The following ENTPD7 variants were observed in gnomAD, a reference collection of about 807,000 sequenced individuals.
ENTPD7 encodes ectonucleoside triphosphate diphosphohydrolase 7.
A neutral mutation model predicts 77.9 loss-of-function variants in ENTPD7; 53 were observed. The observed-to-expected ratio is 0.68, with a 90% confidence interval of 0.55 to 0.85. The LOEUF is 0.85. ENTPD7 is among the 40% of genes least tolerant of loss of function. ENTPD7 has a pLI of 0.00. For missense variants in ENTPD7, 636 were observed against 743.7 expected, an observed-to-expected ratio of 0.86 and a Z score of 1.68; for synonymous variants, 248 against 274.9, an observed-to-expected ratio of 0.90 and a Z score of 0.97.
At chr10:99,701,672 G>A (rs1011068746) in intron 11 of ENTPD7, among the ~76,000 whole-genome samples, 1 of 152,078 alleles carries the variant, frequency 6.6e-6, no homozygotes, top group African/African-American at 2.4e-5. Context: ...AAACCCTCAT[G>A]TAACTATCAC....
At chr10:99,701,595 A>AT (rs201405539) in intron 11 of ENTPD7, among the ~76,000 whole-genome samples, 22 of 149,490 alleles carry the variant, frequency 1.5e-4, no homozygotes, top group East Asian at 3.9e-4. Flanking sequence ...GCCAAAAGTG[A>AT]TTTTTTTTTT....
Position 99,670,423 on chromosome 10 carries a change from T to C in ENTPD7, c.191+8795T>C, listed in dbSNP as rs142764422. 6.4e-4 allele frequency among the ~76,000 whole-genome samples: 98 copies of C among 152,318 alleles called. 2 individuals carry two copies. In the East Asian group the frequency reaches 0.018, roughly 27 times the overall value. ...TTTAATTTCTGCTGTGGATGCTGGG[T>C]AATTGTTAAAATTTATTAATTTTTC... is the stretch of plus-strand genomic sequence containing the variant. On this transcript the variant is annotated intron_variant, in intron 3 of 12. Transcript: ENST00000370489.
intron 3 of ENTPD7, among the ~76,000 whole-genome samples, chr10:99,668,457 A>G (rs866738761): frequency 2.6e-5 from 4 of 152,138 alleles, no homozygotes; most frequent in African/African-American, 7.2e-5. Flanking sequence ...ATCATTTGCT[A>G]GTTGGGTAAT....
chr10:99,671,826 G>T (rs1429881293), intron 3 of ENTPD7, among the ~76,000 whole-genome samples: 1 of 152,180 alleles, frequency 6.6e-6, no homozygotes, highest in African/African-American at 2.4e-5. Flanking sequence ...GTGCCTTCAT[G>T]TTCCTTTACC....
chr10:99,690,346 G>C (rs993448512), intron 7 of ENTPD7, among the ~76,000 whole-genome samples: 1 of 152,166 alleles, frequency 6.6e-6, no homozygotes, highest in African/African-American at 2.4e-5. Flanking sequence ...AGTGAACACA[G>C]CTAGGAAATA....
rs1442605450 is a variant in ENTPD7 at position 99,661,593 on chromosome 10, G to C, written c.156G>C (p.Trp52Cys). The C allele has an allele frequency of 6.2e-7, 1 of 1,612,028 alleles. No homozygotes were observed. Among genetic ancestry groups the C allele is most frequent in the South Asian group, 1.1e-5 (1 of 90,570 alleles). ...LLMLIIDFRH[W>C]SASLPRDRQY... is the part of the protein sequence containing the mutation. ...TGTTAATCATAGACTTTCGACATTG[G>C]AGTGCTTCATTACCACGAGATAGGC... is the stretch of plus-strand genomic sequence containing the variant. The change falls in exon 3 of 13, where the codon TGG (tryptophan) becomes TGC (cysteine). Residue 52 changes from tryptophan (W) to cysteine (C), a missense_variant. This residue lies in a region of ENTPD7 where 486 missense variants were observed against 556.5 expected (regional missense o/e 0.87). Coordinates refer to ENST00000370489, the MANE Select transcript of ENTPD7 (RefSeq NM_020354.5).
chr10:99,709,787 T>G lies in ENTPD7; in HGVS notation c.*5104T>G. ...TAGACTTCTCTTGTGTTATTACACA[T>G]TTCTCTTTTGCTCTAATATTTCATT... On this transcript the variant is annotated 3_prime_UTR_variant, in exon 13 of 13. Transcript: ENST00000370489. 2.0e-6 allele frequency: 2 copies of G among 985,384 alleles called. No homozygotes were observed. The highest frequency in any genetic ancestry group is 1.2e-6 in the Non-Finnish European group (1 of 829,878). 61.0% of individuals were successfully genotyped at this position (985,384 alleles called of 1,614,324 possible). A position where few individuals can be genotyped will look rare whatever the true frequency, so the allele number is the denominator to read the frequency against.
intron 8 of ENTPD7, among the ~76,000 whole-genome samples, chr10:99,695,520 CA>C (rs1206082662): frequency 2.3e-3 from 262 of 113,842 alleles, no homozygotes; most frequent in African/African-American, 6.6e-3. Context: ...GACTCTGTCT[CA>C]AAAAAAAAAA....
chr10:99,710,451 C>T lies in ENTPD7; in HGVS notation c.*5768C>T. On this transcript the variant is annotated 3_prime_UTR_variant, in exon 13 of 13. Transcript: ENST00000370489. ...AAAGACATCTTTTTATTATGATCTA[C>T]ACTTTAAAAAACCAAAGGCTGCCTG... The T allele has an allele frequency of 1.0e-6, 1 of 985,318 alleles. No homozygotes were observed. Among genetic ancestry groups the T allele is most frequent in the South Asian group, 4.7e-5 (1 of 21,288 alleles). 61.0% of individuals were successfully genotyped at this position (985,318 alleles called of 1,614,324 possible).
intron 10 of ENTPD7, 99 bp downstream of exon 10, chr10:99,698,957 A>G (rs1184536404): frequency 8.9e-7 from 1 of 1,125,472 alleles, no homozygotes; most frequent in Non-Finnish European, 1.2e-6. Flanking sequence ...TGCATACAGA[A>G]TCTCACTTGT....
intron 11 of ENTPD7, among the ~76,000 whole-genome samples, 162 bp from the exon 12 acceptor site, chr10:99,702,345 CAAGAT>C (rs1324047016): frequency 1.3e-5 from 2 of 152,200 alleles, no homozygotes; most frequent in East Asian, 3.9e-4. Context: ...GTGGTAAACA[CAAGAT>C]AAGTAGGCTG....
At chr10:99,665,746 G>T (rs116727446) in intron 3 of ENTPD7, among the ~76,000 whole-genome samples, 2,168 of 149,686 alleles carry the variant, frequency 0.014, 59 homozygotes, top group African/African-American at 0.05. Flanking sequence ...TCACTATGTT[G>T]CCCAGGCTGG....
rs1170377468 is a variant in ENTPD7 at position 99,695,844 on chromosome 10, G to T, written c.844-112G>T. On this transcript the variant is annotated intron_variant, in intron 8 of 12. Coordinates refer to ENST00000370489, the MANE Select transcript of ENTPD7 (RefSeq NM_020354.5). ...GCTATGAGGATGAAAGAATGCTTAA[G>T]ATGTTTTAAAGAGTAGTCATAGAAA... The T allele has an allele frequency of 4.2e-6, 4 of 961,370 alleles. No homozygotes were observed. In the African/African-American group the frequency reaches 6.7e-5, roughly 16 times the overall value. 59.6% of individuals were successfully genotyped at this position (961,370 alleles called of 1,614,324 possible).
At chr10:99,692,100 CAT>C (rs1296580927) in intron 8 of ENTPD7, among the ~76,000 whole-genome samples, 3 of 152,208 alleles carry the variant, frequency 2.0e-5, no homozygotes, top group African/African-American at 4.8e-5. Context: ...AAGGAATAGA[CAT>C]GTGAGTTACA....
chr10:99,677,085 A>G lies in ENTPD7; in HGVS notation c.192-2176A>G, dbSNP rs180912237. Among the ~76,000 whole-genome samples, 382 of 152,290 alleles carry G rather than the reference A, an allele frequency of 2.5e-3. 1 individual carries two copies. Among genetic ancestry groups the G allele is most frequent in the Non-Finnish European group, 4.3e-3 (295 of 68,028 alleles). On this transcript the variant is annotated intron_variant, in intron 3 of 12. Coordinates refer to ENST00000370489, the MANE Select transcript of ENTPD7 (RefSeq NM_020354.5). Reference sequence around the variant, plus strand: ...TAACGATGTGAAATCACCAATAAACACTGGCTAGATTGGTTTCAGGAGCGT... The same window carrying G: ...TAACGATGTGAAATCACCAATAAACGCTGGCTAGATTGGTTTCAGGAGCGT...
At chr10:99,692,266 C>T (rs1211090481) in intron 8 of ENTPD7, among the ~76,000 whole-genome samples, 1 of 152,190 alleles carries the variant, frequency 6.6e-6, no homozygotes, top group East Asian at 1.9e-4. Flanking sequence ...CAGGGGTTAT[C>T]CCATGCATCA....
At chr10:99,680,681 G>A (rs1355170715) in intron 5 of ENTPD7, among the ~76,000 whole-genome samples, 1 of 151,868 alleles carries the variant, frequency 6.6e-6, no homozygotes, top group Non-Finnish European at 1.5e-5. Context: ...CTGCCCCCCA[G>A]GCCCAAGTGA....
intron 5 of ENTPD7, among the ~76,000 whole-genome samples, chr10:99,681,813 C>G (rs1276013823): frequency 6.6e-6 from 1 of 152,166 alleles, no homozygotes; most frequent in Non-Finnish European, 1.5e-5. Flanking sequence ...TTTCATATGC[C>G]TGTTGGCCAT....
chr10:99,675,438 A>T (rs2035668266), intron 3 of ENTPD7, among the ~76,000 whole-genome samples: 1 of 151,874 alleles, frequency 6.6e-6, no homozygotes, highest in Admixed American at 6.6e-5. Context: ...TCATGCTTGG[A>T]TAACAGCCAT....
Sources: allele counts gnomAD v4.1 joint callset (sites outside exome capture counted in the v4.1 genomes callset), GRCh38; gene constraint gnomAD v4.1.1; regional missense constraint gnomAD v4.1.1; transcripts MANE v1.5; gene names NCBI Gene and HGNC (gene_info 2026-07-23, HGNC 2026-07-21).